SAG: variants seen among roughly 807,000 people sequenced by gnomAD.
SAG encodes the protein S-antigen visual arrestin, also known as S-arrestin.
SAG carries 45 observed loss-of-function variants against 55.0 expected under a neutral mutation model. The ratio of observed to expected loss-of-function variants is 0.82; its 90% confidence interval spans 0.64 to 1.05. The LOEUF (loss-of-function observed/expected upper bound fraction) is 1.05. SAG is among the 50% of genes least tolerant of loss of function. SAG has a pLI of 0.00. For synonymous variants in SAG, 189 were observed against 197.4 expected (o/e 0.96, Z 0.36); for missense variants, 455 against 512.1 (o/e 0.89, Z 1.08).
intron 10 of SAG, chr2:233,333,784 A>G (rs1048445680): frequency 5.9e-5 from 9 of 152,136 alleles, no homozygotes; most frequent in Non-Finnish European, 8.8e-5. Context: ...GCTTTTTTCA[A>G]TGCTCAAATT....
intron 6 of SAG, 24 bp downstream of exon 6, chr2:233,323,029 G>A: frequency 1.4e-6 from 2 of 1,455,868 alleles, no homozygotes; most frequent in Non-Finnish European, 1.9e-6. Context: ...GAAATGCCAT[G>A]GTTTTATGGA....
intron 13 of SAG, among the ~76,000 whole-genome samples, chr2:233,341,474 G>A (rs891215348): frequency 1.3e-5 from 2 of 152,118 alleles, no homozygotes; most frequent in African/African-American, 4.8e-5. Context: ...AACAAAATGT[G>A]GTATATCCAT....
At chr2:233,328,417 G>T in intron 7 of SAG, 61 bp from the exon 8 acceptor site, 6 of 1,579,142 alleles carry the variant, frequency 3.8e-6, no homozygotes, top group Middle Eastern at 1.7e-4. Flanking sequence ...GGAGAGAACA[G>T]AAGCCTCCCT....
Position 233,325,880 on chromosome 2 carries a change from G to A in SAG, c.436-1241G>A, listed in dbSNP as rs117380196. 4.3e-3 allele frequency among the ~76,000 whole-genome samples: 661 copies of A among 152,330 alleles called. 3 individuals carry two copies. The highest frequency in any genetic ancestry group is 7.4e-3 in the Non-Finnish European group (506 of 68,036). ...GCCCAGGTGGGCGAGCAGAACAGGC[G>A]TTGGTGTGGCTCAACAACGGCCGGC... On this transcript the variant is annotated intron_variant, in intron 6 of 15. Coordinates refer to ENST00000409110, the MANE Select transcript of SAG (RefSeq NM_000541.5).
intron 6 of SAG, among the ~76,000 whole-genome samples, chr2:233,323,821 A>T (rs1447396856): frequency 6.6e-6 from 1 of 152,174 alleles, no homozygotes; most frequent in South Asian, 2.1e-4. Context: ...CCCAACCCCC[A>T]TGAGTCTCAC....
intron 6 of SAG, among the ~76,000 whole-genome samples, chr2:233,324,839 T>G (rs569707731): frequency 2.8e-4 from 42 of 152,264 alleles, no homozygotes; most frequent in African/African-American, 1.0e-3. Context: ...GGGCAGTGTT[T>G]TTGTCGCAGG....
chr2:233,338,739 G>A lies in SAG; in HGVS notation c.1008G>A (p.Lys336=), dbSNP rs367972517. 55 of 1,613,878 alleles carry A rather than the reference G, an allele frequency of 3.4e-5. No individual in the cohort carries two copies. In the African/African-American group the frequency reaches 6.1e-4, roughly 18 times the overall value. ...GILVSYQIKV[K]LTVSGFLGEL... ...TGGTGTCTTACCAGATCAAGGTGAA[G>A]CTCACAGTGTCAGGGTAAGTGTCCC... The change falls in exon 12 of 16, where the codon AAG becomes AAA. Residue 336 remains lysine, a synonymous_variant. Transcript: ENST00000409110.
At chr2:233,338,566 C>T in intron 11 of SAG, 110 bp from the exon 12 acceptor site, 1 of 933,368 alleles carries the variant, frequency 1.1e-6, no homozygotes. Flanking sequence ...GTTCACCAGT[C>T]CCTGGAGAAC....
rs1024703577 is a variant in SAG at position 233,319,559 on chromosome 2, G to C, written c.181+764G>C. On this transcript the variant is annotated intron_variant, in intron 4 of 15. Coordinates refer to ENST00000409110, the MANE Select transcript of SAG (RefSeq NM_000541.5). The surrounding 1 kb of genome is among the most constrained non-coding windows in gnomAD (Gnocchi z 4.4). Reference sequence around the variant, plus strand: ...GTTCAGAACCCTGGATGTGCCACTGGAATACGTCAGCTATGGGGCCATCAG... The same window carrying C: ...GTTCAGAACCCTGGATGTGCCACTGCAATACGTCAGCTATGGGGCCATCAG... 2 of 987,658 alleles carry C rather than the reference G, an allele frequency of 2.0e-6. No individual in the cohort carries two copies. The highest frequency in any genetic ancestry group is 3.5e-5 in the African/African-American group (2 of 56,702). The allele number at this position is 987,658 out of a possible 1,614,324, so 61.2% of individuals were successfully genotyped here. A position where few individuals can be genotyped will look rare whatever the true frequency, so the allele number is the denominator to read the frequency against.
intron 10 of SAG, 117 bp downstream of exon 10, chr2:233,331,829 T>A: frequency 1.3e-6 from 1 of 755,244 alleles, no homozygotes; most frequent in Non-Finnish European, 2.4e-6. Flanking sequence ...AGCCTTCCAC[T>A]TCCTTCCTCT....
At chr2:233,325,067 A>G (rs1393069435) in intron 6 of SAG, among the ~76,000 whole-genome samples, 1 of 152,118 alleles carries the variant, frequency 6.6e-6, no homozygotes, top group African/African-American at 2.4e-5. Context: ...CTCTACTAAA[A>G]ATAGAAAAAT....
chr2:233,345,412 G>C (rs1483949708), intron 14 of SAG: 1 of 152,198 alleles, frequency 6.6e-6, no homozygotes. Flanking sequence ...TGGCGACCCT[G>C]ACCTCAATGG....
chr2:233,309,210 C>T lies in SAG; in HGVS notation c.21C>T (p.Thr7=). The T allele has an allele frequency of 6.2e-7, 1 of 1,613,772 alleles. No individual in the cohort carries two copies. The highest frequency in any genetic ancestry group is 1.1e-5 in the South Asian group (1 of 91,044). The change falls in exon 2 of 16, where the codon ACC becomes ACT. Residue 7 remains threonine, a synonymous_variant. Transcript: ENST00000409110. MAASGK[T]SKSEPNHVIF... is the part of the protein sequence containing the mutation. ...ATAACATGGCAGCCAGCGGGAAGACCAGCAAGTCCGAACCGAACCATGTTA... is the reference window on the plus strand; with the variant it reads ...ATAACATGGCAGCCAGCGGGAAGACTAGCAAGTCCGAACCGAACCATGTTA...
chr2:233,324,961 C>T (rs1376748653), intron 6 of SAG, among the ~76,000 whole-genome samples: 1 of 152,158 alleles, frequency 6.6e-6, no homozygotes, highest in East Asian at 1.9e-4. Flanking sequence ...TGCGGTGGCT[C>T]ATGCCTGTAA....
At chr2:233,346,524 T>A in intron 15 of SAG, 112 bp downstream of exon 15, 1 of 1,168,512 alleles carries the variant, frequency 8.6e-7, no homozygotes, top group Non-Finnish European at 1.3e-6. Context: ...TCCTGCCGGC[T>A]CAGGAGGCAC....
chr2:233,340,417 G>T lies in SAG; in HGVS notation c.1023-38G>T. 1 of 1,600,840 alleles carries T rather than the reference G, an allele frequency of 6.2e-7. No homozygotes were observed. The highest frequency in any genetic ancestry group is 8.5e-7 in the Non-Finnish European group (1 of 1,170,852). ...CATGGGAAAGGGTCGTGTTACCACT[G>T]TGACAGTTAACGACAGGCGTTTGTT... On this transcript the variant is annotated intron_variant, in intron 12 of 15. Coordinates refer to ENST00000409110, the MANE Select transcript of SAG (RefSeq NM_000541.5). This position sits in a 1 kb window ranked among gnomAD's most constrained non-coding sequence, Gnocchi z 4.2.
rs753990994 is a variant in SAG at position 233,309,271 on chromosome 2, G to A, written c.75+7G>A. ...GATCTCCCGGGACAAATCGGTGAGT[G>A]GTGCACAAGTGAGTGATTTGATAGA... is the stretch of plus-strand genomic sequence containing the variant. On this transcript the variant is annotated splice_region_variant and intron_variant, in intron 2 of 15. Transcript: ENST00000409110. The A allele has an allele frequency of 6.2e-7, 1 of 1,609,156 alleles. No homozygotes were observed.
chr2:233,309,130 C>A, intron 1 of SAG, 32 bp from the exon 2 acceptor site: 1 of 1,355,484 alleles, frequency 7.4e-7, no homozygotes, highest in South Asian at 1.2e-5. Flanking sequence ...TTACCTTTCT[C>A]CAACCCTCTA....
At chr2:233,326,581 A>G (rs906273063) in intron 6 of SAG, among the ~76,000 whole-genome samples, 13 of 146,892 alleles carry the variant, frequency 8.9e-5, no homozygotes, top group Admixed American at 6.8e-5. Flanking sequence ...GCAAGACTCC[A>G]TCTCCAAAAA....
Sources: gnomAD v4.1 joint callset for allele counts (sites outside exome capture counted in the v4.1 genomes callset) on GRCh38, gnomAD v4.1.1 for gene constraint, Gnocchi (gnomAD v3.1) non-coding constraint, MANE v1.5 for transcripts, NCBI Gene and HGNC (gene_info 2026-07-23, HGNC 2026-07-21) for gene names.